ALDH1L1: variants seen among roughly 807,000 people sequenced by gnomAD.
ALDH1L1 encodes aldehyde dehydrogenase 1 family member L1, also known as cytosolic 10-formyltetrahydrofolate dehydrogenase.
ALDH1L1 carries 68 observed loss-of-function variants against 101.1 expected under a neutral mutation model. The ratio of observed to expected loss-of-function variants is 0.67; its 90% confidence interval spans 0.55 to 0.82. The LOEUF (loss-of-function observed/expected upper bound fraction) is 0.82, where lower values mean the gene tolerates loss of function less well. Among genes scored for constraint, ALDH1L1 ranks in the 40% least tolerant of loss-of-function variants. ALDH1L1 has a pLI of 0.00. For synonymous variants in ALDH1L1, 486 were observed against 470.8 expected (o/e 1.03, Z -0.42); for missense variants, 1,087 against 1,172.7 (o/e 0.93, Z 1.07).
chr3:126,141,853 G>C (rs996540303), intron 9 of ALDH1L1, among the ~76,000 whole-genome samples: 4 of 151,606 alleles, frequency 2.6e-5, no homozygotes, highest in African/African-American at 9.7e-5. Flanking sequence ...ATAAAGATTA[G>C]AACAGAGATA....
intron 1 of ALDH1L1, among the ~76,000 whole-genome samples, chr3:126,191,405 A>G (rs2081552704): frequency 6.6e-6 from 1 of 152,138 alleles, no homozygotes; most frequent in South Asian, 2.1e-4. Context: ...CAATGGGCCT[A>G]TTGTTTTCCC....
chr3:126,178,380 C>CAAA (rs56979863), intron 1 of ALDH1L1, among the ~76,000 whole-genome samples: 2 of 73,446 alleles, frequency 2.7e-5, no homozygotes, highest in Non-Finnish European at 6.3e-5. Context: ...GACCCTGTCT[C>CAAA]AAAAAAAAAA....
intron 19 of ALDH1L1, 133 bp downstream of exon 19, chr3:126,112,649 C>G: frequency 1.1e-5 from 9 of 791,844 alleles, no homozygotes; most frequent in Non-Finnish European, 1.9e-5. Flanking sequence ...TTCCCTGACC[C>G]CCGGGGGGAG....
intron 16 of ALDH1L1, among the ~76,000 whole-genome samples, chr3:126,124,107 GCGGACACACA>G (rs2080131122): frequency 7.9e-6 from 1 of 126,242 alleles, no homozygotes; most frequent in Middle Eastern, 4.4e-3. Flanking sequence ...TCCAGGGCGC[GCGGACACACA>G]CACACACACA....
chr3:126,119,331 A>T (rs1032151529), intron 16 of ALDH1L1, among the ~76,000 whole-genome samples: 2 of 152,094 alleles, frequency 1.3e-5, no homozygotes, highest in African/African-American at 4.8e-5. Flanking sequence ...CTCAAATTCA[A>T]CATATTTGAA....
chr3:126,195,275 AT>A (rs1420338461), intron 1 of ALDH1L1, among the ~76,000 whole-genome samples: 3 of 152,264 alleles, frequency 2.0e-5, no homozygotes, highest in African/African-American at 7.2e-5. Context: ...AGCTGTTTTT[AT>A]TTCCCAAAGA....
intron 1 of ALDH1L1, among the ~76,000 whole-genome samples, chr3:126,166,195 C>G (rs1378657301): frequency 1.3e-5 from 2 of 152,166 alleles, no homozygotes; most frequent in Admixed American, 6.6e-5. Flanking sequence ...TCCAACCAGT[C>G]AAACCTCCCC....
At chr3:126,179,561 G>A (rs1247753370) in intron 1 of ALDH1L1, among the ~76,000 whole-genome samples, 2 of 152,150 alleles carry the variant, frequency 1.3e-5, no homozygotes, top group African/African-American at 4.8e-5. Flanking sequence ...GCCAGGCGCG[G>A]GGCAGTCTCA....
At position 126,105,842 on chromosome 3, in the gene ALDH1L1, G is replaced by A; in HGVS notation, c.2537C>T (p.Ala846Val). 1 of 1,614,222 alleles carries A rather than the reference G, an allele frequency of 6.2e-7. No individual in the cohort carries two copies. Residue 846 changes from alanine to valine, a missense_variant, in exon 22 of 23, where the codon GCC (alanine) becomes GTC (valine). Physicochemically the swap from Ala to Val is moderately conservative, Grantham distance 64. This residue lies in a region of ALDH1L1 where 442 missense variants were observed against 535.7 expected (regional missense o/e 0.83). Coordinates refer to ENST00000393434, the MANE Select transcript of ALDH1L1 (RefSeq NM_012190.4). ...SGVFTRDINKALYVSDKLQAG... is the reference protein window; with the variant it reads ...SGVFTRDINKVLYVSDKLQAG... ...CTGGAGCTTGTCACTGACATACAGGGCCTTGTTGATGTCCCTGGTGAAGAC... is the reference window on the plus strand; with the variant it reads ...CTGGAGCTTGTCACTGACATACAGGACCTTGTTGATGTCCCTGGTGAAGAC...
chr3:126,150,537 A>C lies in ALDH1L1; in HGVS notation c.859-6T>G. On this transcript the variant is annotated splice_polypyrimidine_tract_variant and splice_region_variant and intron_variant, in intron 7 of 22. Transcript: ENST00000393434. ...TGAATATTCTTCACCAGCAGCTGCA[A>C]AAGGAAGGATTTCTTTTCTTTTCTT... is the stretch of plus-strand genomic sequence containing the variant. 1 of 1,550,066 alleles carries C rather than the reference A, an allele frequency of 6.5e-7. No individual in the cohort carries two copies. The highest frequency in any genetic ancestry group is 8.7e-7 in the Non-Finnish European group (1 of 1,146,330).
At chr3:126,186,958 G>T (rs1053143250) in intron 1 of ALDH1L1, among the ~76,000 whole-genome samples, 3 of 152,144 alleles carry the variant, frequency 2.0e-5, no homozygotes, top group Non-Finnish European at 4.4e-5. Context: ...CTGCACGGAC[G>T]CTGGGAGGGC....
chr3:126,186,648 C>A (rs1450423524), intron 1 of ALDH1L1, among the ~76,000 whole-genome samples: 8 of 150,996 alleles, frequency 5.3e-5, no homozygotes, highest in African/African-American at 2.0e-4. Flanking sequence ...CCCTCCCTCA[C>A]CTCATGTCCT....
chr3:126,179,844 G>C (rs1477716576), intron 1 of ALDH1L1: 3 of 152,174 alleles, frequency 2.0e-5, no homozygotes, highest in African/African-American at 2.4e-5. Context: ...TCTCGATAGC[G>C]GGGCCCCAGG....
At chr3:126,174,052 T>G (rs974527210) in intron 1 of ALDH1L1, among the ~76,000 whole-genome samples, 20 of 152,250 alleles carry the variant, frequency 1.3e-4, no homozygotes, top group Middle Eastern at 6.8e-3. Context: ...ACGTTTTTTT[T>G]GGGGGGGCGG....
At chr3:126,110,144 G>C (rs769037003) in intron 19 of ALDH1L1, 35 bp from the exon 20 acceptor site, 2 of 1,609,702 alleles carry the variant, frequency 1.2e-6, no homozygotes. Flanking sequence ...TGTGGCTTGT[G>C]CTGCCACAGT....
chr3:126,138,412 A>G (rs2080497561), intron 9 of ALDH1L1, among the ~76,000 whole-genome samples: 1 of 152,224 alleles, frequency 6.6e-6, no homozygotes, highest in Admixed American at 6.5e-5. Context: ...ATTCAGAATA[A>G]AGAACCCTCA....
upstream of ALDH1L1, chr3:126,180,614 G>T: frequency 7.9e-7 from 1 of 1,262,954 alleles, no homozygotes; most frequent in Non-Finnish European, 1.0e-6. Context: ...CTCTGGTTAA[G>T]GCCAGAGCCC....
chr3:126,136,081 T>C (rs2080436560), intron 11 of ALDH1L1, among the ~76,000 whole-genome samples: 1 of 152,160 alleles, frequency 6.6e-6, no homozygotes, highest in Non-Finnish European at 1.5e-5. Flanking sequence ...CTCCTGATGC[T>C]CCGTCCCAAG....
At position 126,127,815 on chromosome 3, in the gene ALDH1L1, G is replaced by A. The variant is rs6438977; in HGVS notation, c.1695-2094C>T. Among the ~76,000 whole-genome samples, 1,080 of 152,370 alleles carry A rather than the reference G, an allele frequency of 7.1e-3. 9 individuals carry two copies. Among genetic ancestry groups the A allele is most frequent in the African/African-American group, 0.024 (1,011 of 41,584 alleles). On this transcript the variant is annotated intron_variant, in intron 14 of 22. Transcript: ENST00000393434. The stretch of plus-strand genomic sequence containing the variant: ...GCTCTGATCACTCAGTCATTCTGCA[G>A]TATTTATGGGACACTGCAGGTGTGC...
Sources: gnomAD v4.1 joint callset for allele counts (sites outside exome capture counted in the v4.1 genomes callset) on GRCh38, gnomAD v4.1.1 for gene constraint, gnomAD v4.1.1 regional missense constraint, MANE v1.5 for transcripts, NCBI Gene and HGNC (gene_info 2026-07-23, HGNC 2026-07-21) for gene names.